The following PTPRT variants were observed in gnomAD, a reference collection of about 807,000 sequenced individuals.
PTPRT encodes the protein protein tyrosine phosphatase receptor type T, also known as receptor-type tyrosine-protein phosphatase T.
In PTPRT, 56 loss-of-function variants were observed where a neutral mutation model predicts 176.8. The ratio of observed to expected loss-of-function variants is 0.32; its 90% CI spans 0.26 to 0.40. The LOEUF (loss-of-function observed/expected upper bound fraction) is 0.40, where lower values mean the gene tolerates loss of function less well. Ranked by LOEUF, PTPRT falls within the 10% of genes least tolerant of loss-of-function variation. The probability of loss-of-function intolerance (pLI) is 1.00; values close to 1 mark genes in which losing one functional copy is unlikely to be tolerated. For synonymous variants in PTPRT, 783 were observed against 739.0 expected (o/e 1.06, Z -0.96); for missense variants, 1,540 against 1,908.2 (o/e 0.81, Z 3.60).
chr20:42,392,191 A>T (rs1425261699), intron 9 of PTPRT, among the ~76,000 whole-genome samples: 1 of 152,122 alleles, frequency 6.6e-6, no homozygotes, highest in Non-Finnish European at 1.5e-5. Context: ...ACTTAAACTC[A>T]CTCAGTTCTA....
the PTPRT span, among the ~76,000 whole-genome samples, chr20:42,042,119 G>A: frequency 3.3e-5 from 5 of 152,154 alleles, no homozygotes; most frequent in Admixed American, 2.6e-4. Context: ...GTTCACCCAG[G>A]TCCAGCAGTT....
chr20:42,542,988 T>C (rs2072609990), intron 7 of PTPRT, among the ~76,000 whole-genome samples: 1 of 152,256 alleles, frequency 6.6e-6, no homozygotes, highest in African/African-American at 2.4e-5. Flanking sequence ...TGAAAAATGC[T>C]AAGGATCATC....
At chr20:42,781,240 C>T (rs1391331323) in intron 3 of PTPRT, among the ~76,000 whole-genome samples, 1 of 152,102 alleles carries the variant, frequency 6.6e-6, no homozygotes, top group Non-Finnish European at 1.5e-5. Flanking sequence ...CCTAAAGCCC[C>T]CATTCCTTTG....
chr20:42,444,263 C>T (rs1012197876), intron 9 of PTPRT, among the ~76,000 whole-genome samples: 1 of 151,950 alleles, frequency 6.6e-6, no homozygotes, highest in Non-Finnish European at 1.5e-5. Flanking sequence ...CACTACTTTA[C>T]CTTCAGAGAC....
At chr20:42,299,046 G>A (rs960552013) in intron 12 of PTPRT, among the ~76,000 whole-genome samples, 3 of 152,068 alleles carry the variant, frequency 2.0e-5, no homozygotes, top group Non-Finnish European at 4.4e-5. Flanking sequence ...TCTATAAGAA[G>A]GGGAAATATA....
chr20:42,845,455 C>G (rs909785094), intron 2 of PTPRT, among the ~76,000 whole-genome samples: 1 of 152,190 alleles, frequency 6.6e-6, no homozygotes, highest in Non-Finnish European at 1.5e-5. Flanking sequence ...GCATGTGTTT[C>G]TGTGTGTGCA....
chr20:42,707,707 A>G lies in PTPRT; in HGVS notation c.860-29548T>C, dbSNP rs114275141. On this transcript the variant is annotated intron_variant, in intron 6 of 30. Transcript: ENST00000373187. ...GTGATGTATGCCTTTAGTCTCAGCT[A>G]CTGGGGGAGGCTGAGGCAAGAGGAT... Among the ~76,000 whole-genome samples, 341 of 152,300 alleles carry G rather than the reference A, an allele frequency of 2.2e-3. 2 individuals carry two copies. Among genetic ancestry groups the G allele is most frequent in the African/African-American group, 6.9e-3 (285 of 41,566 alleles).
chr20:42,640,359 C>T (rs2074713518), intron 7 of PTPRT, among the ~76,000 whole-genome samples: 1 of 151,920 alleles, frequency 6.6e-6, no homozygotes, highest in Non-Finnish European at 1.5e-5. Flanking sequence ...GAACTTCATT[C>T]ACTGGGCACC....
At chr20:42,115,451 T>C in intron 21 of PTPRT, 136 bp from the exon 22 acceptor site, 1 of 676,254 alleles carries the variant, frequency 1.5e-6, no homozygotes, top group Non-Finnish European at 2.6e-6. Flanking sequence ...GGCATTTCAG[T>C]CCACAGGGTT....
chr20:43,174,188 T>C (rs1169652147), intron 1 of PTPRT, among the ~76,000 whole-genome samples: 1 of 152,156 alleles, frequency 6.6e-6, no homozygotes, highest in African/African-American at 2.4e-5. Flanking sequence ...GAACATAAAG[T>C]AATGCCCAAG....
intron 1 of PTPRT, among the ~76,000 whole-genome samples, chr20:43,129,092 C>A (rs567451729): frequency 2.2e-4 from 33 of 152,322 alleles, no homozygotes; most frequent in African/African-American, 7.7e-4. Context: ...CTAGCCCTAA[C>A]CCTCACCAGG....
chr20:42,491,313 A>G (rs189586746), intron 7 of PTPRT, among the ~76,000 whole-genome samples: 4 of 152,326 alleles, frequency 2.6e-5, no homozygotes, highest in Admixed American at 2.6e-4. Flanking sequence ...TATGTTGGAC[A>G]AATGGATGAT....
intron 16 of PTPRT, among the ~76,000 whole-genome samples, chr20:42,180,216 C>A (rs1022407364): frequency 6.6e-6 from 1 of 152,138 alleles, no homozygotes; most frequent in Non-Finnish European, 1.5e-5. Flanking sequence ...GAGGAGAAGT[C>A]CATATTTCTT....
At chr20:42,148,084 G>C (rs534225433) in intron 17 of PTPRT, among the ~76,000 whole-genome samples, 1 of 152,172 alleles carries the variant, frequency 6.6e-6, no homozygotes, top group Non-Finnish European at 1.5e-5. Context: ...GTCATTAGGC[G>C]CTAATCACAT....
intron 11 of PTPRT, among the ~76,000 whole-genome samples, chr20:42,326,666 A>G (rs915014730): frequency 6.6e-6 from 1 of 152,180 alleles, no homozygotes; most frequent in Non-Finnish European, 1.5e-5. Flanking sequence ...TTAAAAGACT[A>G]TCTCCAGCCC....
intron 11 of PTPRT, among the ~76,000 whole-genome samples, chr20:42,325,475 T>C (rs965234724): frequency 2.6e-5 from 4 of 152,210 alleles, no homozygotes; most frequent in Non-Finnish European, 5.9e-5. Flanking sequence ...CCCTCAATCA[T>C]GGCTCTTCTC....
intron 9 of PTPRT, among the ~76,000 whole-genome samples, chr20:42,377,853 G>C (rs180799965): frequency 2.0e-5 from 3 of 152,356 alleles, no homozygotes; most frequent in Admixed American, 2.0e-4. Flanking sequence ...GGTAGCATTA[G>C]TGCTGTGATT....
At chr20:43,044,680 G>A (rs534106751) in intron 1 of PTPRT, among the ~76,000 whole-genome samples, 11 of 152,252 alleles carry the variant, frequency 7.2e-5, no homozygotes, top group African/African-American at 2.4e-4. Context: ...CTACCTCAAA[G>A]CACTGTCAGG....
chr20:42,325,539 C>A (rs2057869449), intron 11 of PTPRT, among the ~76,000 whole-genome samples: 1 of 152,126 alleles, frequency 6.6e-6, no homozygotes, highest in Non-Finnish European at 1.5e-5. Context: ...GCTTCAGTTT[C>A]AATATACTGT....
Sources: allele counts gnomAD v4.1 joint callset (sites outside exome capture counted in the v4.1 genomes callset), GRCh38; gene constraint gnomAD v4.1.1; transcripts MANE v1.5; gene names NCBI Gene and HGNC (gene_info 2026-07-23, HGNC 2026-07-21).